Variants in COBL observed in about 807,000 individuals in gnomAD.
The protein encoded by COBL is protein cordon-bleu.
Under a neutral mutation model 98.8 loss-of-function variants are expected in COBL, and 51 were observed. That is an observed-to-expected ratio of 0.52 (90% CI 0.41 to 0.65). The LOEUF (loss-of-function observed/expected upper bound fraction) is 0.65. COBL is among the 30% of genes least tolerant of loss of function. COBL has a pLI of 0.00. For synonymous variants in COBL, 634 were observed against 651.7 expected, an observed-to-expected ratio of 0.97 and a Z score of 0.41; for missense variants, 1,617 against 1,617.5, an observed-to-expected ratio of 1.00 and a Z score of 0.01.
intron 5 of COBL, chr7:51,172,422 T>A (rs1787959150): frequency 4.8e-6 from 6 of 1,247,278 alleles, no homozygotes; most frequent in African/African-American, 1.5e-5. Context: ...TCCAAGCAAT[T>A]AGCGGAAGCA....
At chr7:51,087,435 C>T (rs1170281244) in intron 6 of COBL, among the ~76,000 whole-genome samples, 2 of 152,098 alleles carry the variant, frequency 1.3e-5, no homozygotes, top group Non-Finnish European at 2.9e-5. Flanking sequence ...TTCCCATTCC[C>T]TCTATTCAGT....
At position 51,308,962 on chromosome 7, in the gene COBL, A is replaced by G. The variant is rs78305850; in HGVS notation, c.41+7631T>C. On this transcript the variant is annotated intron_variant, in intron 1 of 12. Coordinates refer to ENST00000265136, the MANE Select transcript of COBL (RefSeq NM_015198.5). ...CATAGGCTTTGTAGGTCAGAGCTCTATATAACGTGGGTGTGTGTCACAGCA... is the reference window on the plus strand; with the variant it reads ...CATAGGCTTTGTAGGTCAGAGCTCTGTATAACGTGGGTGTGTGTCACAGCA... Among the ~76,000 whole-genome samples, 1,170 of 152,314 alleles carry G rather than the reference A, an allele frequency of 7.7e-3. 61 individuals carry two copies. The South Asian group carries it at 0.13, about 17-fold the overall frequency.
intron 1 of COBL, among the ~76,000 whole-genome samples, chr7:51,301,999 G>A (rs1234289909): frequency 6.6e-6 from 1 of 152,144 alleles, no homozygotes; most frequent in Non-Finnish European, 1.5e-5. Flanking sequence ...AGAGCCAGGG[G>A]CCTCTCCCCT....
At position 51,043,615 on chromosome 7, in the gene COBL, C is replaced by A. The variant is rs373070316; in HGVS notation, c.1174G>T (p.Val392Leu). The A allele has an allele frequency of 1.2e-6, 2 of 1,614,222 alleles. No homozygotes were observed. Among genetic ancestry groups the A allele is most frequent in the Non-Finnish European group, 1.7e-6 (2 of 1,180,044 alleles). ...PQVLSEAEET[V>L]SVGSCFASED... ...GACGCAAAACAGCTGCCAACTGACA[C>A]GGTCTCCTCCGCCTCTGACAGCACC... The change falls in exon 8 of 13, where the codon GTG (valine) becomes TTG (leucine). Residue 392 changes from valine (V) to leucine (L), a missense_variant. Physicochemically the swap from Val to Leu is conservative, Grantham distance 32. Around this residue, in one of 3 missense-constraint regions of COBL, gnomAD observed 1,304 missense variants for 1,282.0 expected, o/e 1.02. Coordinates refer to ENST00000265136, the MANE Select transcript of COBL (RefSeq NM_015198.5).
chr7:51,177,461 A>G (rs988833957), intron 5 of COBL, among the ~76,000 whole-genome samples: 3 of 152,204 alleles, frequency 2.0e-5, no homozygotes, highest in African/African-American at 4.8e-5. Context: ...CAAGAAAAGT[A>G]AAATGCATTT....
chr7:51,223,710 G>A (rs1793886343), intron 1 of COBL, among the ~76,000 whole-genome samples: 2 of 152,094 alleles, frequency 1.3e-5, no homozygotes, highest in Non-Finnish European at 2.9e-5. Context: ...CCCATTTCTG[G>A]GTGCTCCAGG....
At chr7:51,227,934 T>A (rs1446471673) in intron 1 of COBL, among the ~76,000 whole-genome samples, 105 of 152,168 alleles carry the variant, frequency 6.9e-4, no homozygotes, top group Non-Finnish European at 1.3e-4. Flanking sequence ...TATGTGTCTA[T>A]GAAACAATCA....
chr7:51,071,324 A>G (rs976138256), intron 7 of COBL: 3 of 152,228 alleles, frequency 2.0e-5, no homozygotes, highest in Admixed American at 1.3e-4. Flanking sequence ...GATTCTTAGA[A>G]GGCTCTAATG....
chr7:51,187,821 G>C, intron 4 of COBL: 1 of 1,008,608 alleles, frequency 9.9e-7, no homozygotes, highest in East Asian at 3.3e-5. Context: ...CTTGGAGTCT[G>C]GCACAAAAAC....
rs747070996 is a variant in COBL at position 51,029,537 on chromosome 7, C to G, written c.1559G>C (p.Gly520Ala). Residue 520 changes from glycine (G) to alanine (A), a missense_variant, in exon 10 of 13, where the codon GGT (glycine) becomes GCT (alanine). By Grantham distance (60) the Gly-to-Ala change is moderately conservative. Around this residue, in one of 3 missense-constraint regions of COBL, gnomAD observed 1,304 missense variants for 1,282.0 expected, o/e 1.02. Coordinates refer to ENST00000265136, the MANE Select transcript of COBL (RefSeq NM_015198.5). ...ATCCTGTGGGCAGTGGTTGGATGCA[C>G]CATGGATGGAGCTGGTGAGGGAGCT... is the stretch of plus-strand genomic sequence containing the variant. ...DTSSLTSSIH[G>A]ASNHCPQDAM... 1 of 1,612,982 alleles carries G rather than the reference C, an allele frequency of 6.2e-7. No homozygotes were observed. The highest frequency in any genetic ancestry group is 1.1e-5 in the South Asian group (1 of 91,006).
intron 1 of COBL, among the ~76,000 whole-genome samples, chr7:51,232,773 T>G (rs994494356): frequency 1.3e-5 from 2 of 151,822 alleles, no homozygotes; most frequent in African/African-American, 4.8e-5. Context: ...ATCGTGCCAC[T>G]GCACTCCAGC....
At chr7:51,237,958 T>A (rs1347621720) in intron 1 of COBL, among the ~76,000 whole-genome samples, 1 of 152,184 alleles carries the variant, frequency 6.6e-6, no homozygotes, top group Admixed American at 6.5e-5. Flanking sequence ...GTGGCTCTGT[T>A]GACATCCTCA....
intron 12 of COBL, among the ~76,000 whole-genome samples, chr7:51,019,093 C>A (rs1187770820): frequency 4.0e-5 from 6 of 151,206 alleles, no homozygotes; most frequent in African/African-American, 1.5e-4. Flanking sequence ...AAACACAGTG[C>A]TCCACTTAGC....
chr7:51,183,222 C>T (rs1405317626), intron 5 of COBL, among the ~76,000 whole-genome samples: 1 of 152,194 alleles, frequency 6.6e-6, no homozygotes, highest in Non-Finnish European at 1.5e-5. Flanking sequence ...AAACTTGAGT[C>T]CCCAGTCTTC....
At chr7:51,069,209 G>GGC (rs914205436) in intron 7 of COBL, among the ~76,000 whole-genome samples, 2 of 152,178 alleles carry the variant, frequency 1.3e-5, no homozygotes, top group Non-Finnish European at 2.9e-5. Context: ...AGAGAGAAGG[G>GGC]CCAAGCGAAG....
intron 5 of COBL, among the ~76,000 whole-genome samples, chr7:51,142,220 T>C (rs1157227394): frequency 6.6e-6 from 1 of 152,058 alleles, no homozygotes; most frequent in Non-Finnish European, 1.5e-5. Context: ...GCCTGGGGGA[T>C]GGCATTTTAA....
intron 10 of COBL, 93 bp from the exon 11 acceptor site, chr7:51,026,758 C>G: frequency 1.4e-6 from 2 of 1,456,916 alleles, no homozygotes; most frequent in Non-Finnish European, 1.9e-6. Context: ...ATGGGCCAGG[C>G]ACGGTGGCTC....
intron 6 of COBL, among the ~76,000 whole-genome samples, chr7:51,128,045 A>G (rs139470776): frequency 6.6e-6 from 1 of 152,356 alleles, no homozygotes; most frequent in East Asian, 1.9e-4. Context: ...GATCTGAAGT[A>G]TGTTAAACTC....
chr7:51,064,848 C>T (rs1583659911), intron 7 of COBL: 1 of 347,546 alleles, frequency 2.9e-6, no homozygotes, highest in East Asian at 4.6e-5. Flanking sequence ...GCAAAACAAG[C>T]CTAAGTGAAA....
Sources: gnomAD v4.1 joint callset for allele counts (sites outside exome capture counted in the v4.1 genomes callset) on GRCh38, gnomAD v4.1.1 for gene constraint, gnomAD v4.1.1 regional missense constraint, MANE v1.5 for transcripts, NCBI Gene and HGNC (gene_info 2026-07-23, HGNC 2026-07-21) for gene names.